Variants in PTPRD observed in about 807,000 individuals in gnomAD.
PTPRD encodes the protein protein tyrosine phosphatase receptor type D.
PTPRD carries 34 observed loss-of-function variants against 214.5 expected under a neutral mutation model. The ratio of observed to expected loss-of-function variants is 0.16; its 90% CI spans 0.12 to 0.21. The LOEUF is 0.21. Ranked by LOEUF, PTPRD falls within the 10% of genes least tolerant of loss-of-function variation. PTPRD has a pLI of 1.00. For missense variants in PTPRD, 2,545 were observed against 2,398.7 expected (o/e 1.06, Z -1.27); for synonymous variants, 1,128 against 845.7 (o/e 1.33, Z -5.79).
At position 9,124,012 on chromosome 9, in the gene PTPRD, G is replaced by C. The variant is rs188674200; in HGVS notation, c.-143+59292C>G. Among the ~76,000 whole-genome samples, 152 of 152,192 alleles carry C rather than the reference G, an allele frequency of 1.0e-3. 1 individual carries two copies. The highest frequency in any genetic ancestry group is 1.9e-4 in the Non-Finnish European group (13 of 67,994). ...AGGCATATTGTCTAAAAGGTGGGGT[G>C]GGGGAGGGAGGTTAAGTAGTTTTGG... On this transcript the variant is annotated intron_variant, in intron 10 of 45. Transcript: ENST00000381196.
chr9:9,326,261 G>A (rs1420691430), intron 9 of PTPRD, among the ~76,000 whole-genome samples: 2 of 152,024 alleles, frequency 1.3e-5, no homozygotes, highest in Non-Finnish European at 1.5e-5. Context: ...TCTCTTTGAT[G>A]ACAATAGGAG....
intron 5 of PTPRD, among the ~76,000 whole-genome samples, chr9:9,904,838 G>T (rs1267240408): frequency 6.6e-6 from 1 of 152,046 alleles, no homozygotes; most frequent in East Asian, 1.9e-4. Flanking sequence ...CAAACTCAGA[G>T]AAATCGTAGG....
intron 8 of PTPRD, among the ~76,000 whole-genome samples, chr9:9,513,488 T>A (rs1365078025): frequency 6.6e-6 from 1 of 151,900 alleles, no homozygotes; most frequent in African/African-American, 2.4e-5. Flanking sequence ...GTAGTTTTTA[T>A]ATATTAACAT....
intron 2 of PTPRD, among the ~76,000 whole-genome samples, chr9:10,480,561 A>C (rs765121549): frequency 1.3e-5 from 2 of 152,152 alleles, no homozygotes; most frequent in Non-Finnish European, 2.9e-5. Context: ...AGGAAGAAAG[A>C]AAGCATGCAA....
intron 14 of PTPRD, among the ~76,000 whole-genome samples, chr9:8,608,685 C>T (rs2154287436): frequency 6.6e-6 from 1 of 152,064 alleles, no homozygotes; most frequent in Non-Finnish European, 1.5e-5. Flanking sequence ...ATAGCAGTTG[C>T]CATTAGAGTA....
chr9:9,554,518 G>C (rs1184981565), intron 8 of PTPRD, among the ~76,000 whole-genome samples: 1 of 151,738 alleles, frequency 6.6e-6, no homozygotes, highest in Non-Finnish European at 1.5e-5. Flanking sequence ...AAATACTGTA[G>C]GGTTAAATAT....
rs749781360 is a variant in PTPRD at position 8,500,786 on chromosome 9, C to G, written c.2096G>C (p.Ser699Thr). ...AHTDVGPGPE[S>T]LSVLIRTNED... ...ATTGGTTCGAATCAACACGGACAAG[C>G]TCTCAGGGCCAGGGCCGACATCTGT... The change falls in exon 24 of 46, where the codon AGC (serine) becomes ACC (threonine). Residue 699 changes from serine to threonine, a missense_variant. Ser to Thr is a moderately conservative substitution (Grantham distance 58, BLOSUM62 1). Coordinates refer to ENST00000381196, the MANE Select transcript of PTPRD (RefSeq NM_002839.4). 1 of 1,614,102 alleles carries G rather than the reference C, an allele frequency of 6.2e-7. No homozygotes were observed. Among genetic ancestry groups the G allele is most frequent in the Non-Finnish European group, 8.5e-7 (1 of 1,179,998 alleles).
intron 9 of PTPRD, among the ~76,000 whole-genome samples, chr9:9,340,984 A>G (rs1569567517): frequency 2.6e-5 from 4 of 152,208 alleles, no homozygotes; most frequent in Admixed American, 2.0e-4. Flanking sequence ...ATTCTCTTCA[A>G]TATTGAATGT....
intron 32 of PTPRD, among the ~76,000 whole-genome samples, chr9:8,463,938 T>A (rs1489149431): frequency 6.6e-6 from 1 of 151,814 alleles, no homozygotes; most frequent in Non-Finnish European, 1.5e-5. Context: ...TTATGATATA[T>A]AAAGAAAATA....
intron 2 of PTPRD, among the ~76,000 whole-genome samples, chr9:10,516,042 G>A (rs536768253): frequency 6.6e-6 from 1 of 151,992 alleles, no homozygotes; most frequent in African/African-American, 2.4e-5. Context: ...ACATGGTAGT[G>A]CTAATATCTT....
intron 9 of PTPRD, among the ~76,000 whole-genome samples, chr9:9,305,801 G>T (rs561512187): frequency 3.3e-5 from 5 of 152,246 alleles, no homozygotes; most frequent in African/African-American, 1.2e-4. Flanking sequence ...GTGACAATTA[G>T]AAGAGGCCAT....
intron 10 of PTPRD, among the ~76,000 whole-genome samples, chr9:9,058,746 G>A (rs1275835934): frequency 2.0e-5 from 3 of 152,046 alleles, no homozygotes; most frequent in Non-Finnish European, 4.4e-5. Context: ...ACCGCGCCCG[G>A]CCGAGGGTTT....
intron 11 of PTPRD, among the ~76,000 whole-genome samples, chr9:8,852,780 T>C (rs114233185): frequency 0.013 from 2,013 of 152,318 alleles, 41 homozygotes; most frequent in African/African-American, 0.046. Context: ...TCTCTCTTTT[T>C]TCCCCCTTTT....
chr9:9,756,473 G>C (rs1361553043), intron 6 of PTPRD, among the ~76,000 whole-genome samples: 2 of 152,062 alleles, frequency 1.3e-5, no homozygotes, highest in African/African-American at 4.8e-5. Context: ...TAAGGTAAAA[G>C]CCATTTCTAT....
chr9:10,569,452 T>G (rs1008322681), intron 2 of PTPRD, among the ~76,000 whole-genome samples: 1 of 152,024 alleles, frequency 6.6e-6, no homozygotes, highest in African/African-American at 2.4e-5. Context: ...TTGGAATACA[T>G]TCTCTTTAAT....
chr9:10,370,485 G>A (rs1206344745), intron 2 of PTPRD, among the ~76,000 whole-genome samples: 3 of 151,840 alleles, frequency 2.0e-5, no homozygotes, highest in East Asian at 1.9e-4. Flanking sequence ...AAAATCAAAC[G>A]GTTCTATACT....
At chr9:9,811,188 G>A (rs573823636) in intron 5 of PTPRD, among the ~76,000 whole-genome samples, 8 of 152,050 alleles carry the variant, frequency 5.3e-5, no homozygotes, top group Non-Finnish European at 1.0e-4. Flanking sequence ...TGCGCAACAA[G>A]AATGAACTCT....
At chr9:9,793,268 T>C (rs1041902619) in intron 5 of PTPRD, among the ~76,000 whole-genome samples, 4 of 152,128 alleles carry the variant, frequency 2.6e-5, no homozygotes, top group Non-Finnish European at 5.9e-5. Flanking sequence ...ATGAATAAAA[T>C]GGATGTATCT....
At chr9:9,944,469 G>A (rs1566588113) in intron 4 of PTPRD, among the ~76,000 whole-genome samples, 1 of 151,948 alleles carries the variant, frequency 6.6e-6, no homozygotes, top group Non-Finnish European at 1.5e-5. Context: ...AATTATAGTA[G>A]AGAGTACAAA....
Sources: gnomAD v4.1 joint callset for allele counts (sites outside exome capture counted in the v4.1 genomes callset) on GRCh38, gnomAD v4.1.1 for gene constraint, MANE v1.5 for transcripts, NCBI Gene and HGNC (gene_info 2026-07-23, HGNC 2026-07-21) for gene names.